CTNNA3: variants seen among roughly 807,000 people sequenced by gnomAD.
CTNNA3 encodes the protein catenin alpha 3, also known as catenin alpha-3.
Under a neutral mutation model 95.7 loss-of-function variants are expected in CTNNA3, and 76 were observed. That is an observed-to-expected ratio of 0.79 (90% CI 0.66 to 0.96). CTNNA3 has a LOEUF of 0.96. CTNNA3 is among the 40% of genes least tolerant of loss of function. The probability of loss-of-function intolerance (pLI) is 0.00; values close to 1 mark genes in which losing one functional copy is unlikely to be tolerated. For synonymous variants in CTNNA3, 431 were observed against 374.4 expected, an observed-to-expected ratio of 1.15 and a Z score of -1.74; for missense variants, 1,191 against 1,089.8, an observed-to-expected ratio of 1.09 and a Z score of -1.31.
At chr10:67,134,618 C>T (rs1463504996) in intron 7 of CTNNA3, among the ~76,000 whole-genome samples, 1 of 152,092 alleles carries the variant, frequency 6.6e-6, no homozygotes, top group Non-Finnish European at 1.5e-5. Flanking sequence ...TGGAAATCTG[C>T]ATCCATTCAG....
chr10:66,872,058 G>A (rs999383409), intron 7 of CTNNA3, among the ~76,000 whole-genome samples: 1 of 152,098 alleles, frequency 6.6e-6, no homozygotes, highest in Non-Finnish European at 1.5e-5. Flanking sequence ...ATGAAAATAG[G>A]TGATTTTATA....
intron 9 of CTNNA3, among the ~76,000 whole-genome samples, chr10:66,639,001 T>G (rs1411526960): frequency 6.6e-6 from 1 of 152,166 alleles, no homozygotes; most frequent in African/African-American, 2.4e-5. Context: ...AATAAAAATA[T>G]ATTTCTCTGT....
At chr10:66,746,931 G>C (rs1400352149) in intron 9 of CTNNA3, among the ~76,000 whole-genome samples, 1 of 151,974 alleles carries the variant, frequency 6.6e-6, no homozygotes, top group Non-Finnish European at 1.5e-5. Flanking sequence ...ATGGAACTGC[G>C]ATTAGTAATT....
At chr10:66,958,159 T>C (rs1184790583) in intron 7 of CTNNA3, among the ~76,000 whole-genome samples, 2 of 152,274 alleles carry the variant, frequency 1.3e-5, no homozygotes, top group East Asian at 1.9e-4. Flanking sequence ...CCATCTCTAG[T>C]ATCATTTGTG....
chr10:67,659,054 C>G (rs1840105658), intron 1 of CTNNA3, among the ~76,000 whole-genome samples: 1 of 151,468 alleles, frequency 6.6e-6, no homozygotes, highest in African/African-American at 2.4e-5. Context: ...GCCAGAGCAA[C>G]CAAAATTAAA....
At chr10:66,462,068 C>G (rs962257647) in intron 11 of CTNNA3, among the ~76,000 whole-genome samples, 9 of 152,138 alleles carry the variant, frequency 5.9e-5, no homozygotes, top group East Asian at 5.8e-4. Context: ...CCTCGTCCCC[C>G]CAAAGTGCCA....
chr10:67,202,806 CAA>C (rs1378068083), intron 6 of CTNNA3, among the ~76,000 whole-genome samples: 1 of 151,600 alleles, frequency 6.6e-6, no homozygotes, highest in African/African-American at 2.4e-5. Flanking sequence ...CCTTCCAAAA[CAA>C]ATTTTTATTA....
chr10:67,710,384 A>C (rs1479564862), intron 1 of CTNNA3, among the ~76,000 whole-genome samples: 1 of 152,206 alleles, frequency 6.6e-6, no homozygotes, highest in African/African-American at 2.4e-5. Flanking sequence ...AATGAGATTA[A>C]TCCTGAAGAG....
chr10:66,128,486 A>T (rs1330924800), intron 13 of CTNNA3, among the ~76,000 whole-genome samples: 1 of 152,192 alleles, frequency 6.6e-6, no homozygotes, highest in Admixed American at 6.5e-5. Context: ...AAAGCTGCCA[A>T]GCCAGAAAAA....
intron 9 of CTNNA3, among the ~76,000 whole-genome samples, chr10:66,670,290 G>A (rs761609243): frequency 4.6e-5 from 7 of 152,094 alleles, no homozygotes; most frequent in Non-Finnish European, 1.0e-4. Context: ...GGTCTAAAAG[G>A]TCCAAATCAA....
chr10:67,292,213 A>G (rs1435233069), intron 5 of CTNNA3, among the ~76,000 whole-genome samples: 1 of 152,110 alleles, frequency 6.6e-6, no homozygotes, highest in Non-Finnish European at 1.5e-5. Context: ...GGCAGAGAGA[A>G]AGTTTGAGTA....
chr10:66,556,063 G>A (rs1842379640), intron 10 of CTNNA3, among the ~76,000 whole-genome samples: 1 of 151,856 alleles, frequency 6.6e-6, no homozygotes, highest in Non-Finnish European at 1.5e-5. Flanking sequence ...CAACCAAATA[G>A]ACATTTTCCC....
chr10:66,328,796 A>G (rs1385441737), intron 12 of CTNNA3, among the ~76,000 whole-genome samples: 1 of 150,918 alleles, frequency 6.6e-6, no homozygotes, highest in Admixed American at 6.6e-5. Context: ...CAGGAGAACC[A>G]ATAATGTAAG....
intron 14 of CTNNA3, among the ~76,000 whole-genome samples, chr10:66,088,691 G>T (rs1165046630): frequency 6.6e-6 from 1 of 152,008 alleles, no homozygotes; most frequent in Non-Finnish European, 1.5e-5. Flanking sequence ...AAGTGTTTGA[G>T]TATCAATTTT....
At chr10:67,329,987 T>C (rs1225394560) in intron 5 of CTNNA3, among the ~76,000 whole-genome samples, 1 of 152,114 alleles carries the variant, frequency 6.6e-6, no homozygotes, top group African/African-American at 2.4e-5. Context: ...AACCATGACA[T>C]CCACATTCCA....
chr10:66,232,368 C>T (rs1291580369), intron 13 of CTNNA3, among the ~76,000 whole-genome samples: 2 of 151,886 alleles, frequency 1.3e-5, no homozygotes, highest in Non-Finnish European at 2.9e-5. Flanking sequence ...CATAAAAATC[C>T]CAGGACCTTT....
At chr10:66,289,213 T>A (rs1034554383) in intron 12 of CTNNA3, among the ~76,000 whole-genome samples, 2 of 151,562 alleles carry the variant, frequency 1.3e-5, no homozygotes, top group Non-Finnish European at 2.9e-5. Flanking sequence ...TCATTGATAG[T>A]TGTGATTTTA....
intron 7 of CTNNA3, among the ~76,000 whole-genome samples, chr10:67,113,889 G>C (rs981146638): frequency 6.6e-6 from 1 of 152,050 alleles, no homozygotes; most frequent in Non-Finnish European, 1.5e-5. Flanking sequence ...TCCAGCCTGA[G>C]CAACATAGTG....
At chr10:67,616,807 A>G (rs1843673558) in intron 2 of CTNNA3, among the ~76,000 whole-genome samples, 1 of 152,214 alleles carries the variant, frequency 6.6e-6, no homozygotes, top group Admixed American at 6.5e-5. Context: ...TGTTTCGTAT[A>G]GGTTACTTTT....
Sources: allele counts gnomAD v4.1 joint callset (sites outside exome capture counted in the v4.1 genomes callset), GRCh38; gene constraint gnomAD v4.1.1; transcripts MANE v1.5; gene names NCBI Gene and HGNC (gene_info 2026-07-23, HGNC 2026-07-21).